Variants in KIF6 observed in about 807,000 individuals in gnomAD.
KIF6 encodes the protein kinesin-like protein KIF6.
A neutral mutation model predicts 112.7 loss-of-function variants in KIF6; 106 were observed. That is an observed-to-expected ratio of 0.94 (90% CI 0.80 to 1.11). The LOEUF is 1.11. KIF6 is among the 50% of genes least tolerant of loss of function. KIF6 has a pLI of 0.00. For missense variants in KIF6, 929 were observed against 964.0 expected (o/e 0.96, Z 0.48); for synonymous variants, 339 against 339.9 (o/e 1.00, Z 0.03).
chr6:39,578,993 T>C (rs913234285), intron 9 of KIF6, among the ~76,000 whole-genome samples: 4 of 152,246 alleles, frequency 2.6e-5, no homozygotes, highest in African/African-American at 9.6e-5. Context: ...TGTCTCCTGT[T>C]GATGAACATT....
chr6:39,602,156 A>T (rs1782615579), intron 6 of KIF6, among the ~76,000 whole-genome samples: 1 of 152,172 alleles, frequency 6.6e-6, no homozygotes, highest in Non-Finnish European at 1.5e-5. Context: ...CCATTATTTA[A>T]TAATCCTTTA....
chr6:39,545,612 T>G lies in KIF6; in HGVS notation c.1258A>C (p.Lys420Gln). ...AAATGATGAAAACAGTGATGAACTT[T>G]ACGCATATCCGCGCCAACCTCTAAT... The part of the protein sequence containing the change: ...SRLEVGADMR[K>Q]VHHCFHHLKK... The change falls in exon 11 of 23, where the codon AAA (lysine) becomes CAA (glutamine). Residue 420 changes from lysine (K) to glutamine (Q), a missense_variant. Lys to Gln is a moderately conservative substitution (Grantham distance 53, BLOSUM62 1). Transcript: ENST00000287152. The G allele has an allele frequency of 6.2e-7, 1 of 1,613,222 alleles. No homozygotes were observed. Among genetic ancestry groups the G allele is most frequent in the Non-Finnish European group, 8.5e-7 (1 of 1,179,222 alleles).
intron 3 of KIF6, among the ~76,000 whole-genome samples, chr6:39,673,772 G>C (rs1407831704): frequency 6.6e-6 from 1 of 152,164 alleles, no homozygotes; most frequent in East Asian, 1.9e-4. Context: ...ATGTTGTTTG[G>C]GGTTATAGTG....
intron 13 of KIF6, among the ~76,000 whole-genome samples, chr6:39,449,404 A>T (rs1772541782): frequency 6.6e-6 from 1 of 152,134 alleles, no homozygotes; most frequent in Admixed American, 6.5e-5. Flanking sequence ...GCCGCCTTTC[A>T]GCTGCTCAAC....
intron 3 of KIF6, among the ~76,000 whole-genome samples, chr6:39,699,775 A>C (rs1312021676): frequency 6.6e-6 from 1 of 152,198 alleles, no homozygotes; most frequent in Non-Finnish European, 1.5e-5. Context: ...GCAAAAATAT[A>C]ATATGTTGAT....
intron 3 of KIF6, among the ~76,000 whole-genome samples, chr6:39,684,846 G>A (rs375441022): frequency 6.6e-6 from 1 of 151,822 alleles, no homozygotes; most frequent in Non-Finnish European, 1.5e-5. Flanking sequence ...AGAGGAGGAG[G>A]AAGAAATTTA....
intron 19 of KIF6, among the ~76,000 whole-genome samples, chr6:39,356,328 C>T (rs367856081): frequency 2.0e-5 from 3 of 151,750 alleles, no homozygotes; most frequent in South Asian, 2.1e-4. Flanking sequence ...TGCAGTGGCA[C>T]GATCTCAGCT....
At chr6:39,484,573 C>T (rs960810811) in intron 13 of KIF6, among the ~76,000 whole-genome samples, 1 of 152,106 alleles carries the variant, frequency 6.6e-6, no homozygotes, top group Non-Finnish European at 1.5e-5. Context: ...TGTAGACAGG[C>T]CAATGCCCCT....
intron 13 of KIF6, among the ~76,000 whole-genome samples, chr6:39,458,232 A>T (rs1773267187): frequency 6.7e-6 from 1 of 150,096 alleles, no homozygotes; most frequent in African/African-American, 2.5e-5. Flanking sequence ...CAAATCAATA[A>T]ATGTAATCCA....
intron 22 of KIF6, among the ~76,000 whole-genome samples, chr6:39,340,471 TG>T (rs1763267383): frequency 6.6e-6 from 1 of 152,102 alleles, no homozygotes; most frequent in Admixed American, 6.5e-5. Flanking sequence ...GCAGAAAACC[TG>T]GGTTATGCTG....
rs1766666551 is a variant in KIF6, at chr6:39,378,758, C to T, written c.1861+6864G>A. Among the ~76,000 whole-genome samples, 1 of 152,210 alleles carries T rather than the reference C, an allele frequency of 6.6e-6. No individual in the cohort carries two copies. The highest frequency in any genetic ancestry group is 1.5e-5 in the Non-Finnish European group (1 of 68,040). On this transcript the variant is annotated intron_variant, in intron 16 of 22. Coordinates refer to ENST00000287152, the MANE Select transcript of KIF6 (RefSeq NM_145027.6). The surrounding 1 kb of genome is among the most constrained non-coding windows in gnomAD (Gnocchi z 5.0). ...ACCTGTTAAGGGTTTTGATTGTGAA[C>T]TGAACAAGATCCAGCCCTGATCAAA...
At chr6:39,555,312 T>C (rs1779635857) in intron 10 of KIF6, among the ~76,000 whole-genome samples, 2 of 152,218 alleles carry the variant, frequency 1.3e-5, no homozygotes, top group South Asian at 4.2e-4. Context: ...CAGCCCAATG[T>C]CCTGCTCCAG....
intron 13 of KIF6, among the ~76,000 whole-genome samples, chr6:39,480,957 GTTA>G (rs1774757898): frequency 6.6e-6 from 1 of 151,762 alleles, no homozygotes; most frequent in African/African-American, 2.4e-5. Flanking sequence ...TCTTTTCTTG[GTTA>G]ATCTTGCAAA....
chr6:39,621,610 G>A (rs150670891), intron 5 of KIF6, among the ~76,000 whole-genome samples: 4 of 152,318 alleles, frequency 2.6e-5, no homozygotes, highest in Non-Finnish European at 5.9e-5. Context: ...GTTTATGTTT[G>A]ATGCACAATA....
rs1763120193 is a variant in KIF6, at chr6:39,337,921, T to C, written c.2429-1373A>G. On this transcript the variant is annotated intron_variant, in intron 22 of 22. Coordinates refer to ENST00000287152, the MANE Select transcript of KIF6 (RefSeq NM_145027.6). Reference sequence around the variant, plus strand: ...CAAGGTGGCTTCTTGCTTCACAAAATGTGGTCCATGGACCAGCAGTGCTGG... The same window carrying C: ...CAAGGTGGCTTCTTGCTTCACAAAACGTGGTCCATGGACCAGCAGTGCTGG... 2.0e-5 allele frequency among the ~76,000 whole-genome samples: 3 copies of C among 152,190 alleles called. No homozygotes were observed. In the South Asian group the frequency reaches 6.2e-4, roughly 32 times the overall value.
chr6:39,544,475 C>A lies in KIF6; in HGVS notation c.1426+80G>T, dbSNP rs775338009. ...ATGGAAGCTGGGTGGGGAGCTCAGC[C>A]ATGTGGCTCAGGAAAGACTGCTGTT... On this transcript the variant is annotated intron_variant, in intron 12 of 22. Coordinates refer to ENST00000287152, the MANE Select transcript of KIF6 (RefSeq NM_145027.6). 7.6e-6 allele frequency: 11 copies of A among 1,439,186 alleles called. 1 individual carries two copies. The South Asian group carries it at 1.8e-4, about 23-fold the overall frequency. The allele number at this position is 1,439,186 out of a possible 1,614,324, so 89.2% of individuals were successfully genotyped here. A position where few individuals can be genotyped will look rare whatever the true frequency, so the allele number is the denominator to read the frequency against.
At chr6:39,536,331 G>GA (rs1446204772) in intron 13 of KIF6, among the ~76,000 whole-genome samples, 4 of 151,030 alleles carry the variant, frequency 2.6e-5, no homozygotes, top group Admixed American at 2.6e-4. Flanking sequence ...GACTAATAAA[G>GA]AAAAAAAGAG....
intron 18 of KIF6, among the ~76,000 whole-genome samples, chr6:39,357,909 T>C (rs1764838489): frequency 6.6e-6 from 1 of 152,264 alleles, no homozygotes; most frequent in Non-Finnish European, 1.5e-5. Context: ...TTATTCTTTA[T>C]GCTTTCCTGT....
At chr6:39,541,359 T>C (rs1778775256) in intron 12 of KIF6, among the ~76,000 whole-genome samples, 1 of 152,190 alleles carries the variant, frequency 6.6e-6, no homozygotes, top group Non-Finnish European at 1.5e-5. Flanking sequence ...CCAAAAATGT[T>C]CACAGCTTCT....
Sources: allele counts gnomAD v4.1 joint callset (sites outside exome capture counted in the v4.1 genomes callset), GRCh38; gene constraint gnomAD v4.1.1; non-coding constraint Gnocchi (gnomAD v3.1); transcripts MANE v1.5; gene names NCBI Gene and HGNC (gene_info 2026-07-23, HGNC 2026-07-21).